Variants in NMT2 observed in about 807,000 individuals in gnomAD.
NMT2 encodes the protein glycylpeptide N-tetradecanoyltransferase 2.
NMT2 carries 35 observed loss-of-function variants against 65.4 expected under a neutral mutation model. That is an observed-to-expected ratio of 0.54 (90% CI 0.41 to 0.71). The LOEUF (loss-of-function observed/expected upper bound fraction) is 0.71, where lower values mean the gene tolerates loss of function less well. Ranked by LOEUF, NMT2 falls within the 30% of genes least tolerant of loss-of-function variation. NMT2 has a pLI of 0.00. For missense variants in NMT2, 489 were observed against 611.3 expected (o/e 0.80, Z 2.11); for synonymous variants, 226 against 231.8 (o/e 0.98, Z 0.23).
At chr10:15,127,025 G>A (rs375269820) in intron 8 of NMT2, among the ~76,000 whole-genome samples, 1 of 152,006 alleles carries the variant, frequency 6.6e-6, no homozygotes, top group Non-Finnish European at 1.5e-5. Context: ...AAGGTCAGGA[G>A]TTCAAGACCA....
At chr10:15,124,357 G>T (rs1261248973) in intron 8 of NMT2, among the ~76,000 whole-genome samples, 1 of 152,206 alleles carries the variant, frequency 6.6e-6, no homozygotes, top group Non-Finnish European at 1.5e-5. Context: ...CTCTGCTTCT[G>T]GCCAGCAGAC....
At chr10:15,139,970 C>G (rs1031824096) in intron 2 of NMT2, among the ~76,000 whole-genome samples, 3 of 144,624 alleles carry the variant, frequency 2.1e-5, no homozygotes, top group African/African-American at 7.5e-5. Flanking sequence ...ACCTCAAGAT[C>G]GAACTGCGAG....
chr10:15,135,361 A>G lies in NMT2; in HGVS notation c.304T>C (p.Ser102Pro), dbSNP rs1846443811. ...TTCCTGGCTGGGCCCTGGCATGCGG[A>G]TAGCAGCTCCATTGCTCTCTGGATA... ...QDIQRAMELL[S>P]ACQGPARNID... The change falls in exon 3 of 12, where the codon TCC becomes CCC. Residue 102 changes from serine to proline, a missense_variant. Transcript: ENST00000378165. 6.2e-7 allele frequency: 1 copy of G among 1,614,022 alleles called. No homozygotes were observed. The highest frequency in any genetic ancestry group is 8.5e-7 in the Non-Finnish European group (1 of 1,180,020).
Position 15,168,676 on chromosome 10 carries a change from A to G in NMT2, c.-64T>C, listed in dbSNP as rs1833463264. The G allele has an allele frequency of 3.2e-6, 4 of 1,255,140 alleles. No individual in the cohort carries two copies. Among genetic ancestry groups the G allele is most frequent in the Non-Finnish European group, 4.4e-6 (4 of 912,328 alleles). 77.8% of individuals were successfully genotyped at this position (1,255,140 alleles called of 1,614,324 possible). A position where few individuals can be genotyped will look rare whatever the true frequency, so the allele number is the denominator to read the frequency against. On this transcript the variant is annotated 5_prime_UTR_variant, in exon 1 of 12. Transcript: ENST00000378165. ...GGCCGGAGCGGCCGCAGCTCCCTCT[A>G]GTGCCTCCCGCCGTACTGCTTGGAG...
intron 9 of NMT2, among the ~76,000 whole-genome samples, chr10:15,116,624 A>G (rs1458218645): frequency 6.6e-6 from 1 of 152,174 alleles, no homozygotes; most frequent in Non-Finnish European, 1.5e-5. Context: ...ATATCCAACA[A>G]AAGTCTGGTT....
intron 1 of NMT2, among the ~76,000 whole-genome samples, chr10:15,142,734 C>G (rs1020421349): frequency 6.6e-6 from 1 of 152,178 alleles, no homozygotes; most frequent in Admixed American, 6.5e-5. Context: ...TCAATAGAAT[C>G]AAATTTGTGC....
chr10:15,130,171 C>A lies in NMT2; in HGVS notation c.861G>T (p.Val287=). Residue 287 remains valine (V), a synonymous_variant, in exon 7 of 12, where the codon GTG becomes GTT. Transcript: ENST00000378165. ...ATGTGGCTATGGGCTTAGGAAGAACCACTCCCGCGGTGTACACAGCCTGGA... is the reference window on the plus strand; with the variant it reads ...ATGTGGCTATGGGCTTAGGAAGAACAACTCCCGCGGTGTACACAGCCTGGA... ...GIFQAVYTAG[V]VLPKPIATCR... 6.4e-7 allele frequency: 1 copy of A among 1,558,566 alleles called. No homozygotes were observed. The highest frequency in any genetic ancestry group is 1.4e-5 in the African/African-American group (1 of 73,018).
At chr10:15,138,574 A>G in intron 2 of NMT2, 1 of 434,616 alleles carries the variant, frequency 2.3e-6, no homozygotes, top group Admixed American at 2.5e-5. Flanking sequence ...TGGCATACTA[A>G]CCAGCAACTA....
intron 2 of NMT2, chr10:15,141,105 A>G: frequency 7.5e-7 from 1 of 1,336,276 alleles, no homozygotes; most frequent in Non-Finnish European, 1.0e-6. Context: ...ATCAAATATT[A>G]AAGTGTAATT....
rs774610680 is a variant in NMT2 at position 15,107,804 on chromosome 10, G to A, written c.*1391C>T. On this transcript the variant is annotated 3_prime_UTR_variant, in exon 12 of 12. Coordinates refer to ENST00000378165, the MANE Select transcript of NMT2 (RefSeq NM_004808.3). ...AGTTGAGGCCAGGCTACGTGGCCTC[G>A]GTTAGCATCTTATTTTTCCCGCAGA... 69 of 985,612 alleles carry A rather than the reference G, an allele frequency of 7.0e-5. No individual in the cohort carries two copies. Among genetic ancestry groups the A allele is most frequent in the Non-Finnish European group, 7.2e-5 (60 of 829,938 alleles). The allele number at this position is 985,612 out of a possible 1,614,324, so 61.1% of individuals were successfully genotyped here.
Position 15,135,292 on chromosome 10 carries a change from G to T in NMT2, c.373C>A (p.Gln125Lys), listed in dbSNP as rs780721832. ...AACTTACCTAGTTTTGGTACCGGTT[G>T]TGTGTCCCAAAACTGGTATCTGTGC... Reference protein sequence around the residue: ...AKHRYQFWDTQPVPKLDEVIT... With the variant: ...AKHRYQFWDTKPVPKLDEVIT... The change falls in exon 3 of 12, where the codon CAA (glutamine) becomes AAA (lysine). Residue 125 changes from glutamine (Q) to lysine (K), a missense_variant. By Grantham distance (53) the Gln-to-Lys change is moderately conservative. Transcript: ENST00000378165. 1.2e-6 allele frequency: 2 copies of T among 1,614,086 alleles called. No individual in the cohort carries two copies. Among genetic ancestry groups the T allele is most frequent in the South Asian group, 1.1e-5 (1 of 91,072 alleles).
intron 1 of NMT2, among the ~76,000 whole-genome samples, chr10:15,160,765 C>A (rs1401073654): frequency 2.0e-5 from 3 of 151,676 alleles, no homozygotes; most frequent in Non-Finnish European, 2.9e-5. Flanking sequence ...CAGAGTAAGA[C>A]TCCATTGCAA....
Position 15,109,042 on chromosome 10 carries a change from A to T in NMT2, c.*153T>A. 6.7e-7 allele frequency: 1 copy of T among 1,485,014 alleles called. No individual in the cohort carries two copies. Among genetic ancestry groups the T allele is most frequent in the Non-Finnish European group, 8.9e-7 (1 of 1,127,460 alleles). 92.0% of individuals were successfully genotyped at this position (1,485,014 alleles called of 1,614,324 possible). A position where few individuals can be genotyped will look rare whatever the true frequency, so the allele number is the denominator to read the frequency against. On this transcript the variant is annotated 3_prime_UTR_variant, in exon 12 of 12. Transcript: ENST00000378165. ...TAACATTCTAGCTAGAAACGTACAA[A>T]TGTCACATGTGGACTTTTGTCATCT...
chr10:15,151,413 C>T (rs1832798626), intron 1 of NMT2, among the ~76,000 whole-genome samples: 1 of 152,126 alleles, frequency 6.6e-6, no homozygotes, highest in African/African-American at 2.4e-5. Context: ...CACAAAAGCC[C>T]AATTCTGATA....
At chr10:15,147,938 T>A (rs751277938) in intron 1 of NMT2, among the ~76,000 whole-genome samples, 28 of 152,348 alleles carry the variant, frequency 1.8e-4, no homozygotes, top group South Asian at 6.2e-4. Context: ...TATAAAAAAA[T>A]TTTTATGTTA....
chr10:15,111,970 C>T (rs1035071667), intron 10 of NMT2, among the ~76,000 whole-genome samples: 1 of 148,996 alleles, frequency 6.7e-6, no homozygotes, highest in Admixed American at 6.7e-5. Flanking sequence ...TGTGCTATCA[C>T]ACCCTGCTAA....
At chr10:15,168,175 C>T (rs568860445) in intron 1 of NMT2, among the ~76,000 whole-genome samples, 4 of 152,284 alleles carry the variant, frequency 2.6e-5, no homozygotes, top group Middle Eastern at 3.4e-3. Flanking sequence ...ACCGGAGCCA[C>T]CCGCGGGCGA....
At chr10:15,127,482 G>A (rs58215292) in intron 8 of NMT2, among the ~76,000 whole-genome samples, 10,946 of 135,986 alleles carry the variant, frequency 0.08, 1,167 homozygotes, top group African/African-American at 0.24. Context: ...AGGAGGTGGA[G>A]CTTGCAGTGA....
At chr10:15,155,136 T>G in intron 1 of NMT2, 2 of 1,505,668 alleles carry the variant, frequency 1.3e-6, no homozygotes, top group Non-Finnish European at 1.8e-6. Context: ...GTCACCACCC[T>G]GACACAAAAG....
Sources: gnomAD v4.1 joint callset for allele counts (sites outside exome capture counted in the v4.1 genomes callset) on GRCh38, gnomAD v4.1.1 for gene constraint, MANE v1.5 for transcripts, NCBI Gene and HGNC (gene_info 2026-07-23, HGNC 2026-07-21) for gene names.